DNAAF9: variants seen among roughly 807,000 people sequenced by gnomAD.
DNAAF9 encodes shulin.
Under a neutral mutation model 167.0 loss-of-function variants are expected in DNAAF9, and 90 were observed. The observed-to-expected ratio is 0.54, with a 90% CI of 0.45 to 0.64. The LOEUF (loss-of-function observed/expected upper bound fraction) is 0.64. Among genes scored for constraint, DNAAF9 ranks in the 30% least tolerant of loss-of-function variants. The pLI is 0.00. For missense variants in DNAAF9, 1,315 were observed against 1,442.2 expected (o/e 0.91, Z 1.43); for synonymous variants, 491 against 508.8 (o/e 0.96, Z 0.47).
At chr20:3,350,685 G>C (rs970601732) in intron 7 of DNAAF9, among the ~76,000 whole-genome samples, 3 of 152,096 alleles carry the variant, frequency 2.0e-5, no homozygotes, top group Non-Finnish European at 4.4e-5. Flanking sequence ...ATAAGGCTGG[G>C]ATATCTTAAC....
intron 26 of DNAAF9, among the ~76,000 whole-genome samples, chr20:3,289,189 T>A (rs921806056): frequency 5.3e-5 from 8 of 152,168 alleles, no homozygotes; most frequent in African/African-American, 1.9e-4. Context: ...TCTAAAAGCT[T>A]TTTTAAAAAT....
intron 33 of DNAAF9, among the ~76,000 whole-genome samples, chr20:3,257,083 C>T (rs1332116096): frequency 2.6e-5 from 4 of 152,116 alleles, no homozygotes; most frequent in Admixed American, 2.0e-4. Context: ...AAAAGTGTTA[C>T]ATGCTAAGGA....
intron 33 of DNAAF9, among the ~76,000 whole-genome samples, chr20:3,258,013 G>A (rs1457237788): frequency 2.1e-5 from 2 of 93,158 alleles, no homozygotes; most frequent in Non-Finnish European, 4.6e-5. Flanking sequence ...ACAGGTGTGA[G>A]CCACCGAGCC....
chr20:3,290,460 A>G (rs1255264778), intron 25 of DNAAF9, among the ~76,000 whole-genome samples: 10 of 152,200 alleles, frequency 6.6e-5, no homozygotes, highest in Non-Finnish European at 1.5e-5. Flanking sequence ...ACCATATAAA[A>G]TGTAGTGTTA....
At chr20:3,382,540 C>A in intron 1 of DNAAF9, 34 bp from the exon 2 acceptor site, 1 of 1,541,572 alleles carries the variant, frequency 6.5e-7, no homozygotes, top group Non-Finnish European at 9.0e-7. Flanking sequence ...CCCCTGAGTG[C>A]CAGGACAGCC....
chr20:3,374,380 A>G (rs1374856321), intron 5 of DNAAF9, among the ~76,000 whole-genome samples: 1 of 152,242 alleles, frequency 6.6e-6, no homozygotes, highest in Non-Finnish European at 1.5e-5. Context: ...AGATTTCTTT[A>G]CAGTATATTG....
intron 35 of DNAAF9, among the ~76,000 whole-genome samples, chr20:3,254,874 CCAGA>C (rs552452938): frequency 6.6e-6 from 1 of 152,200 alleles, no homozygotes; most frequent in Non-Finnish European, 1.5e-5. Flanking sequence ...GCCTCTGGAT[CCAGA>C]CAGTTTTTGC....
chr20:3,266,772 CG>C (rs1170236345), intron 30 of DNAAF9, among the ~76,000 whole-genome samples: 1 of 151,404 alleles, frequency 6.6e-6, no homozygotes, highest in East Asian at 2.0e-4. Flanking sequence ...CCACCATGCT[CG>C]GCTGATTATT....
chr20:3,262,076 G>A (rs919166847), intron 31 of DNAAF9, among the ~76,000 whole-genome samples: 2 of 152,054 alleles, frequency 1.3e-5, no homozygotes, highest in African/African-American at 4.8e-5. Flanking sequence ...ACGTGAGAGG[G>A]GAGTAATATA....
At chr20:3,336,343 T>C (rs1248449973) in intron 10 of DNAAF9, among the ~76,000 whole-genome samples, 1 of 148,822 alleles carries the variant, frequency 6.7e-6, no homozygotes, top group Non-Finnish European at 1.5e-5. Flanking sequence ...TCTCCTCTCC[T>C]TCTGGTACTC....
chr20:3,278,507 T>A (rs1361435477), intron 29 of DNAAF9, among the ~76,000 whole-genome samples: 1 of 152,026 alleles, frequency 6.6e-6, no homozygotes, highest in Non-Finnish European at 1.5e-5. Context: ...GACTACGAGG[T>A]CAGGAGTTCA....
chr20:3,370,713 C>T (rs769106272), intron 6 of DNAAF9, among the ~76,000 whole-genome samples: 4 of 152,010 alleles, frequency 2.6e-5, no homozygotes, highest in Non-Finnish European at 5.9e-5. Context: ...CAGCCGTGCC[C>T]GACTAATTTT....
chr20:3,332,887 CGTGTGTGCGTGTG>C (rs1168799621), intron 10 of DNAAF9, among the ~76,000 whole-genome samples: 7 of 114,252 alleles, frequency 6.1e-5, no homozygotes, highest in East Asian at 2.4e-4. Flanking sequence ...TGCGTGTGTG[CGTGTGTGCGTGTG>C]GTGTGTGTGT....
intron 7 of DNAAF9, among the ~76,000 whole-genome samples, chr20:3,353,941 T>A (rs981891121): frequency 3.3e-5 from 5 of 152,168 alleles, no homozygotes; most frequent in African/African-American, 1.2e-4. Context: ...GTAGAATGAA[T>A]CATTAAGTGC....
In DNAAF9 at chr20:3,370,098, C is replaced by T. The variant is rs530649361; in HGVS notation, c.612+3950G>A. 3.9e-5 allele frequency among the ~76,000 whole-genome samples: 6 copies of T among 152,250 alleles called. No homozygotes were observed. In the East Asian group the frequency reaches 9.6e-4, roughly 24 times the overall value. ...AAGGCTAACTGGAAGGTGTATATTC[C>T]TGATAACTGTTATGCAGAGCTTCTA... On this transcript the variant is annotated intron_variant, in intron 6 of 36. Coordinates refer to ENST00000252032, the MANE Select transcript of DNAAF9 (RefSeq NM_001009984.3).
At chr20:3,277,896 T>C (rs1255045017) in intron 29 of DNAAF9, among the ~76,000 whole-genome samples, 3 of 152,230 alleles carry the variant, frequency 2.0e-5, no homozygotes, top group Non-Finnish European at 2.9e-5. Flanking sequence ...AACTCTGGTA[T>C]GCTCTGTTGT....
chr20:3,407,398 C>T, intron 1 of DNAAF9, 77 bp downstream of exon 1: 2 of 1,138,242 alleles, frequency 1.8e-6, no homozygotes, highest in Admixed American at 4.3e-5. Context: ...CCACGCCCTG[C>T]GGCGGGAGGC....
chr20:3,347,441 T>C (rs914788981), intron 8 of DNAAF9, among the ~76,000 whole-genome samples: 2 of 152,022 alleles, frequency 1.3e-5, no homozygotes, highest in Non-Finnish European at 2.9e-5. Context: ...GAAGTCTGGG[T>C]CTACACAAAG....
intron 10 of DNAAF9, among the ~76,000 whole-genome samples, chr20:3,339,062 G>A (rs951900929): frequency 2.0e-5 from 3 of 151,838 alleles, no homozygotes; most frequent in Non-Finnish European, 4.4e-5. Flanking sequence ...CCATGGATAT[G>A]TCTGCTCTAC....
Sources: gnomAD v4.1 joint callset for allele counts (sites outside exome capture counted in the v4.1 genomes callset) on GRCh38, gnomAD v4.1.1 for gene constraint, MANE v1.5 for transcripts, NCBI Gene and HGNC (gene_info 2026-07-23, HGNC 2026-07-21) for gene names.